ARHGEF28: variants seen among roughly 807,000 people sequenced by gnomAD.
ARHGEF28 encodes Rho guanine nucleotide exchange factor 28.
ARHGEF28 carries 152 observed loss-of-function variants against 206.6 expected under a neutral mutation model. That is an observed-to-expected ratio of 0.74 (90% CI 0.64 to 0.84). The LOEUF (loss-of-function observed/expected upper bound fraction) is 0.84. ARHGEF28 is among the 40% of genes least tolerant of loss of function. ARHGEF28 has a pLI of 0.00. For missense variants in ARHGEF28, 2,028 were observed against 2,073.2 expected (o/e 0.98, Z 0.42); for synonymous variants, 763 against 776.4 (o/e 0.98, Z 0.29).
intron 35 of ARHGEF28, among the ~76,000 whole-genome samples, chr5:73,928,244 C>T (rs940458637): frequency 1.3e-5 from 2 of 152,084 alleles, no homozygotes; most frequent in African/African-American, 2.4e-5. Context: ...GGTAAAACCC[C>T]GTCTCTACTA....
intron 9 of ARHGEF28, among the ~76,000 whole-genome samples, chr5:73,807,806 A>T (rs1341581105): frequency 6.6e-6 from 1 of 151,868 alleles, no homozygotes; most frequent in Non-Finnish European, 1.5e-5. Context: ...ATTCTTTAAC[A>T]TGTGTTGCTT....
intron 1 of ARHGEF28, among the ~76,000 whole-genome samples, chr5:73,667,302 ACCTC>A (rs1415131747): frequency 6.7e-6 from 1 of 148,362 alleles, no homozygotes; most frequent in African/African-American, 2.5e-5. Context: ...TAGTTTACAT[ACCTC>A]CTGAAGTTTT....
chr5:73,918,574 T>C (rs1365144348), intron 35 of ARHGEF28, among the ~76,000 whole-genome samples: 1 of 152,232 alleles, frequency 6.6e-6, no homozygotes, highest in Non-Finnish European at 1.5e-5. Flanking sequence ...GAGACAACTT[T>C]TCTCTTTCGC....
At position 73,867,925 on chromosome 5, in the gene ARHGEF28, T is replaced by C. The variant is rs1405733732; in HGVS notation, c.2202T>C (p.Ser734=). The C allele has an allele frequency of 1.2e-6, 2 of 1,614,012 alleles. No individual in the cohort carries two copies. Among genetic ancestry groups the C allele is most frequent in the Non-Finnish European group, 8.5e-7 (1 of 1,179,862 alleles). ...IPQPGLSLHP[S]SSVPVGLPTG... ...AGCCTGGTCTCTCCTTGCACCCTTC[T>C]TCCTCCGTGCCTGTTGGATTGCCGA... Residue 734 remains serine, a synonymous_variant, in exon 19 of 36, where the codon TCT becomes TCC. Transcript: ENST00000513042.
chr5:73,765,469 T>C (rs1218827563), intron 4 of ARHGEF28, among the ~76,000 whole-genome samples: 1 of 152,230 alleles, frequency 6.6e-6, no homozygotes, highest in South Asian at 2.1e-4. Flanking sequence ...TACTCCACAG[T>C]GCATTGTGTG....
chr5:73,736,218 T>C lies in ARHGEF28; in HGVS notation c.34-13619T>C, dbSNP rs559051719. Among the ~76,000 whole-genome samples the C allele has an allele frequency of 9.8e-5, 15 of 152,338 alleles. No individual in the cohort carries two copies. In the East Asian group the frequency reaches 2.1e-3, roughly 22 times the overall value. On this transcript the variant is annotated intron_variant, in intron 2 of 35. Transcript: ENST00000513042. The stretch of plus-strand genomic sequence containing the variant: ...TGTGTAACTTCTTAAGACTTCACTG[T>C]GGAGTTAGGTGTGAGGAAATGGTCA...
chr5:73,667,161 G>A (rs1252151665), intron 1 of ARHGEF28, among the ~76,000 whole-genome samples: 3 of 150,868 alleles, frequency 2.0e-5, no homozygotes, highest in Admixed American at 2.0e-4. Context: ...GCGAGGGAGT[G>A]GGTGTTACAA....
chr5:73,701,599 T>A, intron 2 of ARHGEF28, among the ~76,000 whole-genome samples: 1 of 152,188 alleles, frequency 6.6e-6, no homozygotes, highest in East Asian at 1.9e-4. Context: ...GACATACATA[T>A]GCCCTCACTC....
In ARHGEF28 at chr5:73,909,617, G is replaced by A. The variant is rs1404860182; in HGVS notation, c.4367G>A (p.Arg1456His). The A allele has an allele frequency of 1.9e-6, 3 of 1,551,592 alleles. No individual in the cohort carries two copies. The Admixed American group carries it at 5.9e-5, about 30-fold the overall frequency. Reference sequence around the variant, plus strand: ...CAGCAGGAGCAGCGGCGCTGGCTGCGCAGGTGTGAGCAGCAGCAGCGGGCG... The same window carrying A: ...CAGCAGGAGCAGCGGCGCTGGCTGCACAGGTGTGAGCAGCAGCAGCGGGCG... ...QLQQEQRRWL[R>H]RCEQQQRAQA... The change falls in exon 34 of 36, where the codon CGC becomes CAC. Residue 1456 changes from arginine (R) to histidine (H), a missense_variant. Physicochemically the swap from Arg to His is conservative, Grantham distance 29. Transcript: ENST00000513042.
rs1439305258 is a variant in ARHGEF28 at position 73,847,143 on chromosome 5, ACTTGTTTTCTT to A, written c.1635+672_1635+682del. 2.0e-5 allele frequency among the ~76,000 whole-genome samples: 3 copies of A among 152,192 alleles called. No individual in the cohort carries two copies. In the East Asian group the frequency reaches 5.8e-4, roughly 29 times the overall value. ...TTCCCTGTTTGATTTGTTATTTTCT[ACTTGTTTTCTT>A]CTTAAGTTTACTTATTACTATAAAA... On this transcript the variant is annotated intron_variant, in intron 12 of 35. Transcript: ENST00000513042.
chr5:73,725,413 T>G (rs987326371), intron 2 of ARHGEF28, among the ~76,000 whole-genome samples: 2 of 152,246 alleles, frequency 1.3e-5, no homozygotes, highest in African/African-American at 4.8e-5. Context: ...TTGAGGCTTA[T>G]AGGTATGAAT....
At chr5:73,922,214 G>A (rs57929899) in intron 35 of ARHGEF28, among the ~76,000 whole-genome samples, 1 of 152,202 alleles carries the variant, frequency 6.6e-6, no homozygotes, top group Non-Finnish European at 1.5e-5. Flanking sequence ...TTTAGTCACT[G>A]ATCATTTAGA....
intron 2 of ARHGEF28, among the ~76,000 whole-genome samples, chr5:73,706,076 G>A (rs912158469): frequency 2.6e-5 from 4 of 152,184 alleles, no homozygotes; most frequent in Admixed American, 2.0e-4. Context: ...GTGGAGCTGA[G>A]CCAGAGAAGG....
At chr5:73,745,746 T>A (rs1214573606) in intron 2 of ARHGEF28, among the ~76,000 whole-genome samples, 2 of 152,068 alleles carry the variant, frequency 1.3e-5, no homozygotes, top group East Asian at 1.9e-4. Flanking sequence ...AGAGGTGATA[T>A]ACCTTCACTA....
intron 35 of ARHGEF28, among the ~76,000 whole-genome samples, chr5:73,921,756 C>T (rs412526): frequency 0.073 from 11,067 of 152,180 alleles, 511 homozygotes; most frequent in South Asian, 0.2. Flanking sequence ...ACTAGAAATT[C>T]GGGAGACTCT....
intron 7 of ARHGEF28, among the ~76,000 whole-genome samples, chr5:73,793,265 G>A (rs1754592349): frequency 6.6e-6 from 1 of 152,140 alleles, no homozygotes; most frequent in Non-Finnish European, 1.5e-5. Context: ...GCTCCATCCT[G>A]ATCTTATTAC....
intron 1 of ARHGEF28, among the ~76,000 whole-genome samples, chr5:73,682,528 C>G (rs1387722375): frequency 1.3e-5 from 2 of 151,974 alleles, no homozygotes; most frequent in South Asian, 2.1e-4. Flanking sequence ...AGCGATTCTC[C>G]TGCCTCAGCC....
At chr5:73,870,363 G>T (rs72772564) in intron 21 of ARHGEF28, among the ~76,000 whole-genome samples, 154 bp downstream of exon 21, 3,427 of 152,204 alleles carry the variant, frequency 0.023, 51 homozygotes, top group Middle Eastern at 0.041. Context: ...CTAGACCTTA[G>T]TTTCTCCATC....
chr5:73,723,336 T>C (rs748556879), intron 2 of ARHGEF28, among the ~76,000 whole-genome samples: 2 of 152,124 alleles, frequency 1.3e-5, no homozygotes, highest in Non-Finnish European at 2.9e-5. Flanking sequence ...TACAGCTGCG[T>C]GCCACCACGC....
Sources: gnomAD v4.1 joint callset for allele counts (sites outside exome capture counted in the v4.1 genomes callset) on GRCh38, gnomAD v4.1.1 for gene constraint, MANE v1.5 for transcripts, NCBI Gene and HGNC (gene_info 2026-07-23, HGNC 2026-07-21) for gene names.